Variants in GALNT18 observed in about 807,000 individuals in gnomAD.
The protein encoded by GALNT18 is polypeptide N-acetylgalactosaminyltransferase 18.
In GALNT18, 44 loss-of-function variants were observed where a neutral mutation model predicts 69.5. The ratio of observed to expected loss-of-function variants is 0.63; its 90% CI spans 0.50 to 0.81. The LOEUF is 0.81. Among genes scored for constraint, GALNT18 ranks in the 40% least tolerant of loss-of-function variants. The pLI is 0.00. For synonymous variants in GALNT18, 364 were observed against 318.2 expected (o/e 1.14, Z -1.53); for missense variants, 715 against 810.0 (o/e 0.88, Z 1.42).
rs1352899696 is a variant in GALNT18, at chr11:11,543,434, C to G, written c.235+77925G>C. Among the ~76,000 whole-genome samples the G allele has an allele frequency of 6.6e-6, 1 of 152,112 alleles. No homozygotes were observed. The highest frequency in any genetic ancestry group is 1.5e-5 in the Non-Finnish European group (1 of 68,022). The stretch of plus-strand genomic sequence containing the variant: ...CCCACTCTGGAACTGGATATGCCAC[C>G]CATTTTAGGTCGGGGATGTCCCTTC... On this transcript the variant is annotated intron_variant, in intron 1 of 10. Transcript: ENST00000227756. The surrounding 1 kb of genome is among the most constrained non-coding windows in gnomAD (Gnocchi z 5.1).
chr11:11,479,783 A>G (rs763293050), intron 1 of GALNT18, among the ~76,000 whole-genome samples: 16 of 151,880 alleles, frequency 1.1e-4, no homozygotes, highest in Non-Finnish European at 1.5e-4. Context: ...TCTATCCCAC[A>G]CTCTGAAGCT....
chr11:11,284,283 C>T (rs113060018), intron 10 of GALNT18, among the ~76,000 whole-genome samples: 2 of 152,214 alleles, frequency 1.3e-5, no homozygotes, highest in African/African-American at 4.8e-5. Flanking sequence ...ACGTGTGGTA[C>T]AGACTGACTG....
intron 1 of GALNT18, among the ~76,000 whole-genome samples, chr11:11,489,212 G>A (rs1457711064): frequency 6.6e-6 from 1 of 152,158 alleles, no homozygotes; most frequent in Non-Finnish European, 1.5e-5. Context: ...TATGAATGGG[G>A]GAGCATTATT....
rs1853983075 is a variant in GALNT18 at position 11,383,828 on chromosome 11, T to TCC, written c.596-4565_596-4564insGG. Among the ~76,000 whole-genome samples the TCC allele has an allele frequency of 6.6e-6, 1 of 151,440 alleles. No individual in the cohort carries two copies. Among genetic ancestry groups the TCC allele is most frequent in the Non-Finnish European group, 1.5e-5 (1 of 67,802 alleles). On this transcript the variant is annotated intron_variant, in intron 3 of 10. Coordinates refer to ENST00000227756, the MANE Select transcript of GALNT18 (RefSeq NM_198516.3). This position sits in a 1 kb window ranked among gnomAD's most constrained non-coding sequence, Gnocchi z 5.2. The stretch of plus-strand genomic sequence containing the variant: ...AAGTGTGGCACTTCCTCTCTCTCTC[T>TCC]CTCTCTCTCTCTGTCTCTCTCTCCC...
chr11:11,427,585 A>G (rs1855162413), intron 3 of GALNT18, among the ~76,000 whole-genome samples: 1 of 152,150 alleles, frequency 6.6e-6, no homozygotes, highest in Non-Finnish European at 1.5e-5. Flanking sequence ...TGAGGTGGGA[A>G]TTATACATCT....
intron 10 of GALNT18, among the ~76,000 whole-genome samples, chr11:11,284,862 T>G (rs900136787): frequency 8.2e-4 from 123 of 150,814 alleles, no homozygotes; most frequent in Admixed American, 3.5e-3. Flanking sequence ...GTGGTCTTTT[T>G]GTATTATGAA....
chr11:11,526,481 C>T (rs10831630), intron 1 of GALNT18, among the ~76,000 whole-genome samples: 54,505 of 152,030 alleles, frequency 0.36, 10,362 homozygotes, highest in East Asian at 0.73. Context: ...TGTAGTTATT[C>T]ATGGAAGTAA....
At chr11:11,290,000 CCAAGTCCCCAGGGCTA>C (rs1157017747) in intron 10 of GALNT18, among the ~76,000 whole-genome samples, 1 of 152,160 alleles carries the variant, frequency 6.6e-6, no homozygotes, top group South Asian at 2.1e-4. Flanking sequence ...CTGGATGACA[CCAAGTCCCCAGGGCTA>C]CAAGTGCCTG....
At chr11:11,518,053 C>A (rs945950261) in intron 1 of GALNT18, among the ~76,000 whole-genome samples, 4 of 152,208 alleles carry the variant, frequency 2.6e-5, no homozygotes, top group African/African-American at 9.7e-5. Flanking sequence ...CTCCAGCAGT[C>A]TCCAAGGTGG....
chr11:11,457,618 C>A (rs1319746631), intron 1 of GALNT18, among the ~76,000 whole-genome samples: 2 of 152,354 alleles, frequency 1.3e-5, no homozygotes, highest in African/African-American at 2.4e-5. Context: ...ACGCAGCTCA[C>A]CTGGCTGAGG....
intron 1 of GALNT18, among the ~76,000 whole-genome samples, chr11:11,488,854 T>C (rs1364571319): frequency 2.0e-5 from 3 of 152,200 alleles, no homozygotes; most frequent in African/African-American, 7.2e-5. Flanking sequence ...GGTCCAAAGA[T>C]GGCCCACCTG....
chr11:11,466,416 A>C (rs916031223), intron 1 of GALNT18, among the ~76,000 whole-genome samples: 7 of 152,244 alleles, frequency 4.6e-5, no homozygotes, highest in African/African-American at 1.4e-4. Context: ...TACATGTGCC[A>C]CTTGACTTTC....
chr11:11,445,669 G>T (rs1855631803), intron 2 of GALNT18, among the ~76,000 whole-genome samples: 1 of 152,174 alleles, frequency 6.6e-6, no homozygotes, highest in African/African-American at 2.4e-5. Context: ...TGTGCAAAGA[G>T]AACCCTCCAC....
In GALNT18 at chr11:11,315,491, A is replaced by G. The variant is rs1387839495; in HGVS notation, c.1512+11595T>C. Among the ~76,000 whole-genome samples the G allele has an allele frequency of 1.3e-5, 2 of 152,200 alleles. No homozygotes were observed. The highest frequency in any genetic ancestry group is 4.8e-5 in the African/African-American group (2 of 41,450). On this transcript the variant is annotated intron_variant, in intron 9 of 10. Coordinates refer to ENST00000227756, the MANE Select transcript of GALNT18 (RefSeq NM_198516.3). The surrounding 1 kb of genome is among the most constrained non-coding windows in gnomAD (Gnocchi z 5.6). ...CTGCTGGAATGAAGGGAGCCACCCC[A>G]GCCCAGAGACTCTGGAGTGGGGATA... is the stretch of plus-strand genomic sequence containing the variant.
In GALNT18 at chr11:11,546,360, C is replaced by T. The variant is rs1858053212; in HGVS notation, c.235+74999G>A. On this transcript the variant is annotated intron_variant, in intron 1 of 10. Transcript: ENST00000227756. The surrounding 1 kb of genome is among the most constrained non-coding windows in gnomAD (Gnocchi z 5.8). ...GCACTAGATCCTGCCACTGCTGCCT[C>T]TTTATTCTCTCCATTTCTGCCTTCC... 6.6e-6 allele frequency among the ~76,000 whole-genome samples: 1 copy of T among 152,196 alleles called. No homozygotes were observed. The highest frequency in any genetic ancestry group is 2.1e-4 in the South Asian group (1 of 4,820).
At chr11:11,467,408 A>G (rs1564963861) in intron 1 of GALNT18, among the ~76,000 whole-genome samples, 1 of 152,194 alleles carries the variant, frequency 6.6e-6, no homozygotes, top group Non-Finnish European at 1.5e-5. Context: ...GAGAGAGGTG[A>G]TATGGCAGAG....
chr11:11,420,127 GA>G (rs112495270), intron 3 of GALNT18, among the ~76,000 whole-genome samples: 10 of 145,020 alleles, frequency 6.9e-5, no homozygotes, highest in East Asian at 2.0e-4. Context: ...TTTGAAAGAA[GA>G]AAAAAAAAAA....
At chr11:11,394,088 A>C (rs189982263) in intron 3 of GALNT18, among the ~76,000 whole-genome samples, 2 of 152,326 alleles carry the variant, frequency 1.3e-5, no homozygotes, top group East Asian at 3.9e-4. Flanking sequence ...ACTTGAATGC[A>C]CTGAAATATG....
At chr11:11,498,171 T>A (rs916012393) in intron 1 of GALNT18, among the ~76,000 whole-genome samples, 2 of 152,248 alleles carry the variant, frequency 1.3e-5, no homozygotes, top group African/African-American at 4.8e-5. Context: ...TTGACAGCCA[T>A]CATTGCTAGT....
Sources: gnomAD v4.1 joint callset for allele counts (sites outside exome capture counted in the v4.1 genomes callset) on GRCh38, gnomAD v4.1.1 for gene constraint, Gnocchi (gnomAD v3.1) non-coding constraint, MANE v1.5 for transcripts, NCBI Gene and HGNC (gene_info 2026-07-23, HGNC 2026-07-21) for gene names.